The following CPT1A variants were observed in gnomAD, a reference collection of about 807,000 sequenced individuals.
The protein encoded by CPT1A is carnitine O-palmitoyltransferase 1, liver isoform.
Under a neutral mutation model 100.8 loss-of-function variants are expected in CPT1A, and 64 were observed. That is an observed-to-expected ratio of 0.63 (90% CI 0.52 to 0.78). The LOEUF is 0.78. Ranked by LOEUF, CPT1A falls within the 30% of genes least tolerant of loss-of-function variation. The pLI, the probability that CPT1A is intolerant of heterozygous loss-of-function variation, is 0.00. For synonymous variants in CPT1A, 363 were observed against 396.0 expected, an observed-to-expected ratio of 0.92 and a Z score of 0.99; for missense variants, 802 against 1,034.1, an observed-to-expected ratio of 0.78 and a Z score of 3.08.
Position 68,755,697 on chromosome 11 carries a change from C to A in CPT1A, c.*1947G>T, listed in dbSNP as rs1260316543. ...GTGCTGGGATTACACGCATGAGCCACCGCGCCTGGACGCTTTTTTTTTTTT... is the reference window on the plus strand; with the variant it reads ...GTGCTGGGATTACACGCATGAGCCAACGCGCCTGGACGCTTTTTTTTTTTT... On this transcript the variant is annotated 3_prime_UTR_variant, in exon 19 of 19. Transcript: ENST00000265641. The A allele has an allele frequency of 1.4e-5, 2 of 142,806 alleles. No individual in the cohort carries two copies. The highest frequency in any genetic ancestry group is 7.0e-5 in the Admixed American group (1 of 14,250). The allele number at this position is 142,806 out of a possible 1,614,324, so 8.8% of individuals were successfully genotyped here. A position where few individuals can be genotyped will look rare whatever the true frequency, so the allele number is the denominator to read the frequency against.
chr11:68,782,262 T>G (rs1220517880), intron 10 of CPT1A, among the ~76,000 whole-genome samples: 1 of 152,130 alleles, frequency 6.6e-6, no homozygotes, highest in East Asian at 1.9e-4. Flanking sequence ...CAGATCACCC[T>G]GTTCCACGCT....
At chr11:68,815,553 C>G in intron 1 of CPT1A, 66 bp from the exon 2 acceptor site, 2 of 1,487,414 alleles carry the variant, frequency 1.3e-6, no homozygotes, top group Non-Finnish European at 1.9e-6. Flanking sequence ...AACCCTCATA[C>G]AGAAGTGCCA....
intron 1 of CPT1A, among the ~76,000 whole-genome samples, chr11:68,825,918 G>A (rs1192599312): frequency 6.6e-6 from 1 of 152,186 alleles, no homozygotes; most frequent in Non-Finnish European, 1.5e-5. Flanking sequence ...GCTTCACAGA[G>A]GCCAACCCAC....
rs1000599038 is a variant in CPT1A, at chr11:68,761,408, T to C, written c.2028+127A>G. On this transcript the variant is annotated intron_variant, in intron 16 of 18. Coordinates refer to ENST00000265641, the MANE Select transcript of CPT1A (RefSeq NM_001876.4). The stretch of plus-strand genomic sequence containing the variant: ...CTCACATTTTCCATTTTATGACAGC[T>C]ACACCCACAGACCCGTTTTTTTCAA... 6.5e-6 allele frequency: 7 copies of C among 1,069,076 alleles called. No individual in the cohort carries two copies. The African/African-American group carries it at 7.8e-5, about 12-fold the overall frequency. The allele number at this position is 1,069,076 out of a possible 1,614,324, so 66.2% of individuals were successfully genotyped here. A position where few individuals can be genotyped will look rare whatever the true frequency, so the allele number is the denominator to read the frequency against.
chr11:68,799,453 T>C (rs1855844182), intron 5 of CPT1A, 98 bp from the exon 6 acceptor site: 10 of 1,378,970 alleles, frequency 7.3e-6, no homozygotes, highest in East Asian at 6.9e-5. Context: ...TTCTAACACA[T>C]TGAAAAGGTT....
chr11:68,808,396 G>A (rs1311457829), intron 3 of CPT1A, among the ~76,000 whole-genome samples: 1 of 147,950 alleles, frequency 6.8e-6, no homozygotes. Flanking sequence ...TTCGAGACAA[G>A]AGTCTCGCTC....
chr11:68,834,412 G>A (rs1856958788), intron 1 of CPT1A, among the ~76,000 whole-genome samples: 1 of 152,118 alleles, frequency 6.6e-6, no homozygotes, highest in African/African-American at 2.4e-5. Context: ...CCCCAGCCTG[G>A]GTGACAGAGG....
intron 3 of CPT1A, among the ~76,000 whole-genome samples, chr11:68,811,949 G>A (rs1300548971): frequency 1.0e-5 from 1 of 97,106 alleles, no homozygotes; most frequent in Non-Finnish European, 1.9e-5. Flanking sequence ...TAGGAGGGAC[G>A]GGGGGGTCCC....
chr11:68,759,378 G>A (rs1946756622), intron 18 of CPT1A, among the ~76,000 whole-genome samples, 191 bp downstream of exon 18: 1 of 151,524 alleles, frequency 6.6e-6, no homozygotes, highest in African/African-American at 2.4e-5. Flanking sequence ...CTGGGCGACA[G>A]AGTGAGACTG....
intron 14 of CPT1A, among the ~76,000 whole-genome samples, chr11:68,765,832 A>G (rs1854782464): frequency 6.6e-6 from 1 of 151,908 alleles, no homozygotes; most frequent in Non-Finnish European, 1.5e-5. Context: ...TAGAAATAAC[A>G]CAGGAACAGG....
rs1390002416 is a variant in CPT1A, at chr11:68,841,032, G to C, written c.-14+743C>G. ...GCACCCTCATCCTGCTCACGGCAGC[G>C]CTCGGACCGCGCCTGGAGTCCCTGC... On this transcript the variant is annotated intron_variant, in intron 1 of 18. Transcript: ENST00000265641. The surrounding 1 kb of genome is among the most constrained non-coding windows in gnomAD (Gnocchi z 6.3). 6.6e-6 allele frequency among the ~76,000 whole-genome samples: 1 copy of C among 152,228 alleles called. No individual in the cohort carries two copies. Among genetic ancestry groups the C allele is most frequent in the African/African-American group, 2.4e-5 (1 of 41,456 alleles).
intron 18 of CPT1A, among the ~76,000 whole-genome samples, chr11:68,759,100 TAAA>T (rs1946750370): frequency 6.6e-6 from 1 of 151,632 alleles, no homozygotes; most frequent in Admixed American, 6.6e-5. Flanking sequence ...ATTTTTTAAT[TAAA>T]AAAATTTAGG....
At chr11:68,830,453 G>A (rs1856849177) in intron 1 of CPT1A, among the ~76,000 whole-genome samples, 1 of 152,166 alleles carries the variant, frequency 6.6e-6, no homozygotes. Context: ...AGGCTATGAT[G>A]GGACTCATCA....
At chr11:68,771,242 G>A (rs1854980679) in intron 14 of CPT1A, among the ~76,000 whole-genome samples, 1 of 152,202 alleles carries the variant, frequency 6.6e-6, no homozygotes, top group South Asian at 2.1e-4. Flanking sequence ...TGTACTGCTT[G>A]CAGAATAGTC....
intron 1 of CPT1A, among the ~76,000 whole-genome samples, chr11:68,817,360 A>G (rs368515166): frequency 2.0e-5 from 3 of 152,138 alleles, no homozygotes; most frequent in East Asian, 1.9e-4. Flanking sequence ...CAGGCCCTAG[A>G]AAGGCACCCG....
intron 8 of CPT1A, among the ~76,000 whole-genome samples, chr11:68,793,701 G>A (rs1197109809): frequency 4.7e-5 from 7 of 150,148 alleles, no homozygotes; most frequent in African/African-American, 1.5e-4. Flanking sequence ...AGCTGAGATC[G>A]TGCCACTACA....
chr11:68,805,712 A>C (rs1856025269), intron 4 of CPT1A, among the ~76,000 whole-genome samples: 1 of 152,222 alleles, frequency 6.6e-6, no homozygotes, highest in African/African-American at 2.4e-5. Context: ...CATTCGAGAA[A>C]GATTCTGCAG....
At chr11:68,789,778 G>A (rs1022983098) in intron 9 of CPT1A, among the ~76,000 whole-genome samples, 2 of 152,012 alleles carry the variant, frequency 1.3e-5, no homozygotes, top group Admixed American at 6.6e-5. Flanking sequence ...TCCTTCCAGG[G>A]GTGCCCATCA....
chr11:68,842,279 C>A (rs988468248), upstream of CPT1A, among the ~76,000 whole-genome samples: 2 of 152,042 alleles, frequency 1.3e-5, no homozygotes, highest in African/African-American at 2.4e-5. Context: ...ACAAGGGTCG[C>A]GGGCCAGGAA....
Sources: allele counts gnomAD v4.1 joint callset (sites outside exome capture counted in the v4.1 genomes callset), GRCh38; gene constraint gnomAD v4.1.1; non-coding constraint Gnocchi (gnomAD v3.1); transcripts MANE v1.5; gene names NCBI Gene and HGNC (gene_info 2026-07-23, HGNC 2026-07-21).